Variants in GPC6 observed in about 807,000 individuals in gnomAD.
GPC6 encodes the protein glypican 6.
A neutral mutation model predicts 55.2 loss-of-function variants in GPC6; 14 were observed. That is an observed-to-expected ratio of 0.25 (90% CI 0.17 to 0.40). GPC6 has a LOEUF of 0.40. Among genes scored for constraint, GPC6 ranks in the 10% least tolerant of loss-of-function variants. The pLI is 1.00. For synonymous variants in GPC6, 278 were observed against 259.6 expected (o/e 1.07, Z -0.68); for missense variants, 641 against 708.5 (o/e 0.90, Z 1.08).
intron 3 of GPC6, among the ~76,000 whole-genome samples, chr13:93,876,213 G>C (rs901003337): frequency 1.3e-5 from 2 of 151,432 alleles, no homozygotes; most frequent in African/African-American, 4.9e-5. Context: ...TATAATAAAT[G>C]CTTCATATAA....
At chr13:94,091,050 A>G (rs959017684) in intron 4 of GPC6, among the ~76,000 whole-genome samples, 1 of 152,176 alleles carries the variant, frequency 6.6e-6, no homozygotes, top group East Asian at 1.9e-4. Context: ...ATGTGTTTCT[A>G]TCATTTCATC....
chr13:94,027,633 A>T, intron 3 of GPC6, 96 bp from the exon 4 acceptor site: 1 of 1,044,162 alleles, frequency 9.6e-7, no homozygotes, highest in Non-Finnish European at 1.5e-6. Context: ...AAGGGTTAAG[A>T]TTCTGCTTGT....
chr13:94,381,780 T>C (rs1880170497), intron 6 of GPC6, among the ~76,000 whole-genome samples: 1 of 152,214 alleles, frequency 6.6e-6, no homozygotes, highest in Non-Finnish European at 1.5e-5. Flanking sequence ...ATGCTGGCAC[T>C]AAGCTTTTCC....
At chr13:93,978,753 A>G (rs976236553) in intron 3 of GPC6, among the ~76,000 whole-genome samples, 3 of 152,112 alleles carry the variant, frequency 2.0e-5, no homozygotes, top group African/African-American at 7.2e-5. Flanking sequence ...AATAATTCAT[A>G]ATCTCTCCTA....
chr13:93,829,841 T>A (rs1426503867), intron 2 of GPC6, among the ~76,000 whole-genome samples: 1 of 152,208 alleles, frequency 6.6e-6, no homozygotes. Flanking sequence ...GATTTGAGTT[T>A]GTATCAAACC....
At chr13:94,004,665 A>G (rs1315456367) in intron 3 of GPC6, among the ~76,000 whole-genome samples, 4 of 152,178 alleles carry the variant, frequency 2.6e-5, no homozygotes, top group Non-Finnish European at 4.4e-5. Flanking sequence ...CTTTGTATGT[A>G]TAGTTTGACT....
At chr13:94,094,944 A>G (rs1199485108) in intron 4 of GPC6, among the ~76,000 whole-genome samples, 1 of 152,128 alleles carries the variant, frequency 6.6e-6, no homozygotes, top group African/African-American at 2.4e-5. Flanking sequence ...AAATATTGCA[A>G]TATTAAATAA....
At chr13:94,219,987 C>A (rs186591767) in intron 4 of GPC6, among the ~76,000 whole-genome samples, 6 of 152,160 alleles carry the variant, frequency 3.9e-5, no homozygotes, top group African/African-American at 1.4e-4. Flanking sequence ...ATTGCGCATG[C>A]CTGAACCACA....
chr13:94,212,819 A>G (rs1890118341), intron 4 of GPC6, among the ~76,000 whole-genome samples: 1 of 152,194 alleles, frequency 6.6e-6, no homozygotes, highest in South Asian at 2.1e-4. Flanking sequence ...CCATTTTAGA[A>G]GTGTGGAAAT....
intron 4 of GPC6, among the ~76,000 whole-genome samples, chr13:94,071,289 T>C (rs1267964401): frequency 6.6e-6 from 1 of 152,222 alleles, no homozygotes; most frequent in African/African-American, 2.4e-5. Flanking sequence ...AAATTATACA[T>C]TTATAACTTA....
chr13:93,526,888 A>G (rs779148304), intron 1 of GPC6, among the ~76,000 whole-genome samples: 3 of 152,118 alleles, frequency 2.0e-5, no homozygotes, highest in Non-Finnish European at 4.4e-5. Flanking sequence ...GGCTTCCAGC[A>G]GTATCATAGG....
At chr13:94,032,813 G>A (rs1594681764) in intron 4 of GPC6, among the ~76,000 whole-genome samples, 2 of 152,286 alleles carry the variant, frequency 1.3e-5, no homozygotes, top group Admixed American at 6.5e-5. Context: ...CAATTATTAA[G>A]TTGCCAGGCA....
At chr13:93,918,072 G>A (rs1414603733) in intron 3 of GPC6, among the ~76,000 whole-genome samples, 2 of 149,586 alleles carry the variant, frequency 1.3e-5, no homozygotes, top group African/African-American at 5.0e-5. Context: ...ACTTCATCCT[G>A]GGTGACATAG....
intron 6 of GPC6, among the ~76,000 whole-genome samples, chr13:94,374,405 G>A (rs1350882813): frequency 6.7e-6 from 1 of 149,024 alleles, no homozygotes; most frequent in East Asian, 2.0e-4. Context: ...AAAAGGCAGG[G>A]GTTGCAATCC....
At chr13:94,132,124 T>C (rs1317989502) in intron 4 of GPC6, among the ~76,000 whole-genome samples, 1 of 152,102 alleles carries the variant, frequency 6.6e-6, no homozygotes, top group Non-Finnish European at 1.5e-5. Flanking sequence ...GAGGCCATGA[T>C]GGTTTTTCAC....
At chr13:93,999,309 C>T (rs542745245) in intron 3 of GPC6, among the ~76,000 whole-genome samples, 37 of 152,224 alleles carry the variant, frequency 2.4e-4, no homozygotes, top group Non-Finnish European at 3.2e-4. Flanking sequence ...TGATAGTTTG[C>T]TGAGAATGGT....
At chr13:94,165,008 A>G (rs1025525919) in intron 4 of GPC6, among the ~76,000 whole-genome samples, 2 of 151,944 alleles carry the variant, frequency 1.3e-5, no homozygotes, top group African/African-American at 4.8e-5. Context: ...AAGAACTAAA[A>G]GTAGAACTAC....
intron 2 of GPC6, among the ~76,000 whole-genome samples, chr13:93,631,359 C>G (rs1179693316): frequency 6.6e-6 from 1 of 152,136 alleles, no homozygotes; most frequent in Admixed American, 6.5e-5. Flanking sequence ...CTCTGGGGAC[C>G]TCTTTACACT....
chr13:94,340,350 T>C (rs1033795632), intron 6 of GPC6, among the ~76,000 whole-genome samples: 3 of 151,712 alleles, frequency 2.0e-5, no homozygotes, highest in Non-Finnish European at 4.4e-5. Context: ...AAAAAAAAAA[T>C]CTACCAATTA....
Sources: allele counts gnomAD v4.1 joint callset (sites outside exome capture counted in the v4.1 genomes callset), GRCh38; gene constraint gnomAD v4.1.1; transcripts MANE v1.5; gene names NCBI Gene and HGNC (gene_info 2026-07-23, HGNC 2026-07-21).